Variants in DDB2 observed in about 807,000 individuals in gnomAD.
DDB2 encodes damage specific DNA binding protein 2.
Under a neutral mutation model 50.5 loss-of-function variants are expected in DDB2, and 27 were observed. That is an observed-to-expected ratio of 0.53 (90% confidence interval 0.39 to 0.74). DDB2 has a LOEUF of 0.74. Among genes scored for constraint, DDB2 ranks in the 30% least tolerant of loss-of-function variants. The pLI is 0.00. For synonymous variants in DDB2, 176 were observed against 205.5 expected, an observed-to-expected ratio of 0.86 and a Z score of 1.23; for missense variants, 424 against 545.6, an observed-to-expected ratio of 0.78 and a Z score of 2.22.
chr11:47,224,657 G>A (rs2135496066), intron 3 of DDB2, among the ~76,000 whole-genome samples: 1 of 152,182 alleles, frequency 6.6e-6, no homozygotes, highest in African/African-American at 2.4e-5. Context: ...GTTCATTTTT[G>A]TCTTTTTCCC....
intron 4 of DDB2, among the ~76,000 whole-genome samples, chr11:47,233,709 CA>C (rs10544942): frequency 0.64 from 90,505 of 140,378 alleles, 30,710 homozygotes; most frequent in Middle Eastern, 0.78. Flanking sequence ...AAATCTATCT[CA>C]AAAAAAAAAA....
intron 3 of DDB2, among the ~76,000 whole-genome samples, chr11:47,227,543 T>C: frequency 6.6e-6 from 1 of 150,642 alleles, no homozygotes; most frequent in Admixed American, 6.6e-5. Context: ...GGAGTTTCAC[T>C]CTTGTCACCC....
intron 3 of DDB2, among the ~76,000 whole-genome samples, chr11:47,225,932 T>C (rs1399012916): frequency 6.6e-6 from 1 of 152,268 alleles, no homozygotes; most frequent in African/African-American, 2.4e-5. Flanking sequence ...TGTTGTAGCA[T>C]GTGGCAGAAT....
Position 47,238,213 on chromosome 11 carries a change from C to G in DDB2, c.1234+30C>G, listed in dbSNP as rs756739840. On this transcript the variant is annotated intron_variant, in intron 9 of 9. Transcript: ENST00000256996. ...GTAGGAGGAGAATGTCTCTGACTTG[C>G]CAAGTCCGATCCTACTTCCCAAGGT... 4 of 1,587,378 alleles carry G rather than the reference C, an allele frequency of 2.5e-6. No individual in the cohort carries two copies. The Admixed American group carries it at 7.0e-5, about 28-fold the overall frequency.
chr11:47,216,186 T>C, intron 1 of DDB2, 150 bp from the exon 2 acceptor site: 1 of 1,141,974 alleles, frequency 8.8e-7, no homozygotes, highest in South Asian at 1.2e-5. Flanking sequence ...TTTCTGGTGC[T>C]CGTTGAGACC....
At chr11:47,234,227 G>C (rs1953690562) in intron 4 of DDB2, among the ~76,000 whole-genome samples, 1 of 152,126 alleles carries the variant, frequency 6.6e-6, no homozygotes, top group African/African-American at 2.4e-5. Flanking sequence ...TGAAAGGAGA[G>C]AGCAGTAAAG....
At chr11:47,225,675 G>A (rs1953548633) in intron 3 of DDB2, among the ~76,000 whole-genome samples, 2 of 151,764 alleles carry the variant, frequency 1.3e-5, no homozygotes, top group Non-Finnish European at 2.9e-5. Flanking sequence ...GTACAGTTTA[G>A]TAATGTTAAC....
chr11:47,218,513 A>G (rs1953432972), intron 3 of DDB2, among the ~76,000 whole-genome samples: 1 of 152,172 alleles, frequency 6.6e-6, no homozygotes. Flanking sequence ...AAATGGAGAG[A>G]AAAGAAGGAA....
rs1018636900 is a variant in DDB2, at chr11:47,238,182, G to A, written c.1233G>A (p.Met411Ile). Reference protein sequence around the residue: ...NPMGDTLASAMGYHILIWSQE... With the variant: ...NPMGDTLASAIGYHILIWSQE... ...TGGGGGACACGCTGGCCTCTGCAAT[G>A]GGTGAGTAGGAGGAGAATGTCTCTG... Residue 411 changes from methionine (M) to isoleucine (I), a missense_variant and splice_region_variant, in exon 9 of 10, where the codon ATG (methionine) becomes ATA (isoleucine). Met to Ile is a conservative substitution (Grantham distance 10, BLOSUM62 1). Coordinates refer to ENST00000256996, the MANE Select transcript of DDB2 (RefSeq NM_000107.3). 4 of 1,609,514 alleles carry A rather than the reference G, an allele frequency of 2.5e-6. No homozygotes were observed. The highest frequency in any genetic ancestry group is 1.3e-5 in the African/African-American group (1 of 74,882).
At chr11:47,228,853 A>G (rs1302091865) in intron 3 of DDB2, among the ~76,000 whole-genome samples, 1 of 150,792 alleles carries the variant, frequency 6.6e-6, no homozygotes, top group Non-Finnish European at 1.5e-5. Context: ...GGTACTTGGG[A>G]AGCTGAGGCT....
upstream of DDB2, chr11:47,214,932 G>A (rs1016348890): frequency 2.9e-5 from 20 of 680,254 alleles, no homozygotes; most frequent in South Asian, 2.0e-4. Flanking sequence ...CTTCCAGGAA[G>A]GGGCGGGGTC....
intron 7 of DDB2, 71 bp from the exon 8 acceptor site, chr11:47,237,766 A>G (rs1565157685): frequency 6.7e-6 from 10 of 1,483,348 alleles, no homozygotes; most frequent in African/African-American, 1.4e-5. Flanking sequence ...CTCTTTGTTC[A>G]TATTTGTTTT....
intron 3 of DDB2, among the ~76,000 whole-genome samples, chr11:47,218,483 G>A (rs1590989608): frequency 6.6e-6 from 1 of 152,234 alleles, no homozygotes; most frequent in African/African-American, 2.4e-5. Context: ...ATGGATGAGC[G>A]AGGAGGAGCA....
At chr11:47,235,722 T>C (rs1953716470) in intron 7 of DDB2, 1 of 415,318 alleles carries the variant, frequency 2.4e-6, no homozygotes, top group South Asian at 2.9e-5. Flanking sequence ...TTCAGTTACC[T>C]GTGTACAGTT....
chr11:47,234,708 C>T (rs1449150558), intron 5 of DDB2, 36 bp downstream of exon 5: 7 of 1,613,508 alleles, frequency 4.3e-6, no homozygotes, highest in Admixed American at 1.7e-5. Flanking sequence ...CCCTCCCTCA[C>T]CCCCACCTCG....
chr11:47,224,170 C>T (rs140307562), intron 3 of DDB2, among the ~76,000 whole-genome samples: 12 of 152,224 alleles, frequency 7.9e-5, no homozygotes, highest in South Asian at 2.1e-4. Flanking sequence ...TTCTTCTGGT[C>T]GCTTTAAAAA....
chr11:47,218,129 C>T (rs1438295226), intron 3 of DDB2, among the ~76,000 whole-genome samples: 1 of 152,196 alleles, frequency 6.6e-6, no homozygotes, highest in Non-Finnish European at 1.5e-5. Context: ...TGTCCTTACT[C>T]ATAACGTAGA....
chr11:47,222,776 T>C (rs938623114), intron 3 of DDB2, among the ~76,000 whole-genome samples: 2 of 152,282 alleles, frequency 1.3e-5, no homozygotes, highest in Non-Finnish European at 2.9e-5. Flanking sequence ...GGATATATGT[T>C]TTCATTTTTC....
intron 3 of DDB2, among the ~76,000 whole-genome samples, chr11:47,228,642 CAAAA>C (rs61273211): frequency 3.0e-5 from 2 of 66,910 alleles, no homozygotes; most frequent in Non-Finnish European, 3.0e-5. Context: ...GACTCTGTCT[CAAAA>C]AAAAAAAAAA....
Sources: allele counts gnomAD v4.1 joint callset (sites outside exome capture counted in the v4.1 genomes callset), GRCh38; gene constraint gnomAD v4.1.1; transcripts MANE v1.5; gene names NCBI Gene and HGNC (gene_info 2026-07-23, HGNC 2026-07-21).